UVSSA: variants seen among roughly 807,000 people sequenced by gnomAD.
UVSSA encodes the protein UV-stimulated scaffold protein A.
A neutral mutation model predicts 73.9 loss-of-function variants in UVSSA; 72 were observed. That is an observed-to-expected ratio of 0.97 (90% CI 0.81 to 1.19). The LOEUF (loss-of-function observed/expected upper bound fraction) is 1.19, where lower values mean the gene tolerates loss of function less well. Ranked by LOEUF, UVSSA falls within the 50% of genes most tolerant of loss-of-function variation. UVSSA has a pLI of 0.00. For missense variants in UVSSA, 1,150 were observed against 965.0 expected (o/e 1.19, Z -2.54); for synonymous variants, 454 against 391.3 (o/e 1.16, Z -1.89).
At position 1,376,155 on chromosome 4, in the gene UVSSA, G is replaced by T; in HGVS notation, c.1555G>T (p.Gly519Trp). The T allele has an allele frequency of 6.2e-7, 1 of 1,609,886 alleles. No homozygotes were observed. The highest frequency in any genetic ancestry group is 8.5e-7 in the Non-Finnish European group (1 of 1,178,408). Residue 519 changes from glycine (G) to tryptophan (W), a missense_variant, in exon 10 of 14, where the codon GGG becomes TGG. Gly to Trp is a radical substitution (Grantham distance 184). Transcript: ENST00000389851. ...CTGGGGCCAGGAGCTCCCCACAGCCGGGAAGATTGTCAAGTGAGTCCCCAT... is the reference window on the plus strand; with the variant it reads ...CTGGGGCCAGGAGCTCCCCACAGCCTGGAAGATTGTCAAGTGAGTCCCCAT... The part of the protein sequence containing the change: ...HYWGQELPTA[G>W]KIVKSDSQHR...
In UVSSA at chr4:1,354,753, A is replaced by G; in HGVS notation, c.953A>G (p.Glu318Gly). 6.2e-7 allele frequency: 1 copy of G among 1,613,612 alleles called. No homozygotes were observed. Among genetic ancestry groups the G allele is most frequent in the Non-Finnish European group, 8.5e-7 (1 of 1,179,934 alleles). ...TCCCCAGAGGGCCTGAAGGTGCAGGAGAACGAGGACAACCTTGCTCTCATC... is the reference window on the plus strand; with the variant it reads ...TCCCCAGAGGGCCTGAAGGTGCAGGGGAACGAGGACAACCTTGCTCTCATC... ...ELCSEGLKVQENEDNLALIHA... is the reference protein window; with the variant it reads ...ELCSEGLKVQGNEDNLALIHA... The change falls in exon 6 of 14, where the codon GAG (glutamate) becomes GGG (glycine). Residue 318 changes from glutamate to glycine, a missense_variant. Physicochemically the swap from Glu to Gly is moderately conservative, Grantham distance 98. Transcript: ENST00000389851.
At chr4:1,389,082 A>G (rs1164691500), downstream of UVSSA, 4 of 152,134 alleles carry the variant, frequency 2.6e-5, no homozygotes, top group Non-Finnish European at 5.9e-5. Flanking sequence ...TCCCTAATTC[A>G]GTATCTTCAT....
At position 1,349,782 on chromosome 4, in the gene UVSSA, G is replaced by A. The variant is rs758797846; in HGVS notation, c.357G>A (p.Gly119=). The A allele has an allele frequency of 6.2e-7, 1 of 1,603,424 alleles. No individual in the cohort carries two copies. Among genetic ancestry groups the A allele is most frequent in the East Asian group, 2.2e-5 (1 of 44,632 alleles). ...AGGCGACCACCCGGGCCGTGGAAGG[G>A]TGGAATGAGAAGTTTGGGGAGGCCT... ...LRQATTRAVE[G]WNEKFGEAYK... is the part of the protein sequence containing the mutation. The change falls in exon 3 of 14, where the codon GGG becomes GGA. Residue 119 remains glycine (G), a synonymous_variant. Coordinates refer to ENST00000389851, the MANE Select transcript of UVSSA (RefSeq NM_020894.4).
In UVSSA at chr4:1,380,895, A is replaced by G. The variant is rs1328479835; in HGVS notation, c.1768A>G (p.Lys590Glu). 1 of 1,612,860 alleles carries G rather than the reference A, an allele frequency of 6.2e-7. No homozygotes were observed. Among genetic ancestry groups the G allele is most frequent in the South Asian group, 1.1e-5 (1 of 91,054 alleles). ...CGCTGTGCAGTGCCCTTTCCATGGG[A>G]AGATTGTTCCACGGGACGACGAAGG... ...QDRLKCPFHGKIVPRDDEGRP... is the reference protein window; with the variant it reads ...QDRLKCPFHGEIVPRDDEGRP... Residue 590 changes from lysine (K) to glutamate (E), a missense_variant, in exon 12 of 14, where the codon AAG (lysine) becomes GAG (glutamate). Coordinates refer to ENST00000389851, the MANE Select transcript of UVSSA (RefSeq NM_020894.4).
chr4:1,394,619 C>A (rs571302290), exon 14 of UVSSA: 2 of 1,425,736 alleles, frequency 1.4e-6, no homozygotes, highest in Non-Finnish European at 1.9e-6. Context: ...CGCCTGCTCA[C>A]ACATGTCGAT....
At chr4:1,383,991 G>C in intron 13 of UVSSA, 51 bp downstream of exon 13, 1 of 1,541,330 alleles carries the variant, frequency 6.5e-7, no homozygotes, top group Non-Finnish European at 8.7e-7. Context: ...CCCGTGTGAG[G>C]GTGTTCGAGG....
chr4:1,364,819 C>T (rs943747015), intron 7 of UVSSA, among the ~76,000 whole-genome samples: 2 of 152,156 alleles, frequency 1.3e-5, no homozygotes, highest in African/African-American at 4.8e-5. Context: ...GCATGACCTT[C>T]AGCTGCCCTA....
At chr4:1,367,737 G>A (rs1314038736) in intron 8 of UVSSA, among the ~76,000 whole-genome samples, 2 of 152,110 alleles carry the variant, frequency 1.3e-5, no homozygotes, top group Admixed American at 6.5e-5. Flanking sequence ...GGGGCAGGCA[G>A]GCAGAAGCCG....
chr4:1,348,971 A>G (rs1282399464), intron 2 of UVSSA, among the ~76,000 whole-genome samples: 4 of 148,236 alleles, frequency 2.7e-5, no homozygotes, highest in African/African-American at 5.0e-5. Flanking sequence ...GCGTTGTGCC[A>G]GGCGGTGTGT....
intron 3 of UVSSA, 71 bp downstream of exon 3, chr4:1,349,925 A>G: frequency 7.4e-7 from 1 of 1,360,284 alleles, no homozygotes; most frequent in East Asian, 2.5e-5. Flanking sequence ...TACCAGGGTG[A>G]AGATGCGCCT....
Position 1,357,586 on chromosome 4 carries a change from G to A in UVSSA, c.1176+2341G>A, listed in dbSNP as rs920501373. ...CAGGACTCTAATTCAGCGCGGCCACGGTACCAGCGAGGCCTGCAGGCTCCC... is the reference window on the plus strand; with the variant it reads ...CAGGACTCTAATTCAGCGCGGCCACAGTACCAGCGAGGCCTGCAGGCTCCC... On this transcript the variant is annotated intron_variant, in intron 7 of 13. Transcript: ENST00000389851. Among the ~76,000 whole-genome samples the A allele has an allele frequency of 1.4e-4, 22 of 152,238 alleles. No individual in the cohort carries two copies. In the East Asian group the frequency reaches 1.5e-3, roughly 11 times the overall value.
intron 7 of UVSSA, among the ~76,000 whole-genome samples, chr4:1,357,408 C>G (rs933641437): frequency 2.0e-5 from 3 of 152,244 alleles, no homozygotes; most frequent in Non-Finnish European, 4.4e-5. Context: ...TTCTGGAATG[C>G]CTGGTGCTAC....
At chr4:1,354,915 C>T (rs942921938) in intron 6 of UVSSA, 68 bp downstream of exon 6, 2 of 1,466,482 alleles carry the variant, frequency 1.4e-6, no homozygotes, top group South Asian at 1.2e-5. Flanking sequence ...GGGGGGGTCC[C>T]TTTCTTGGGG....
intron 8 of UVSSA, among the ~76,000 whole-genome samples, chr4:1,370,383 G>A (rs763345060): frequency 4.6e-5 from 7 of 152,372 alleles, no homozygotes; most frequent in South Asian, 2.1e-4. Context: ...GAGTGCCAGC[G>A]CTGAGCAGGG....
chr4:1,394,674 C>A, exon 14 of UVSSA: 1 of 1,588,318 alleles, frequency 6.3e-7, no homozygotes, highest in Non-Finnish European at 8.6e-7. Flanking sequence ...GAGTGCCCGC[C>A]TGCTCACACG....
At chr4:1,353,556 T>C in intron 5 of UVSSA, 143 bp downstream of exon 5, 2 of 1,198,002 alleles carry the variant, frequency 1.7e-6, no homozygotes, top group Admixed American at 3.1e-5. Context: ...ACCAGGTTTT[T>C]CCTTTCTGTG....
intron 8 of UVSSA, 127 bp from the exon 9 acceptor site, chr4:1,375,237 C>T (rs73793392): frequency 1.1e-5 from 16 of 1,465,464 alleles, no homozygotes; most frequent in East Asian, 2.3e-5. Flanking sequence ...ATAGCAGGCA[C>T]CCACCTCGGG....
chr4:1,388,443 G>A (rs1448305326), downstream of UVSSA: 1 of 152,124 alleles, frequency 6.6e-6, no homozygotes, highest in Non-Finnish European at 1.5e-5. Flanking sequence ...TTTCTAATCT[G>A]GATTTCTTTT....
exon 14 of UVSSA, chr4:1,395,736 C>G: frequency 6.2e-7 from 1 of 1,614,254 alleles, no homozygotes; most frequent in Non-Finnish European, 8.5e-7. Flanking sequence ...CTGTAGGTTT[C>G]CTGTCCTGCC....
Sources: gnomAD v4.1 joint callset for allele counts (sites outside exome capture counted in the v4.1 genomes callset) on GRCh38, gnomAD v4.1.1 for gene constraint, MANE v1.5 for transcripts, NCBI Gene and HGNC (gene_info 2026-07-23, HGNC 2026-07-21) for gene names.